KLC3: variants seen among roughly 807,000 people sequenced by gnomAD.
The protein encoded by KLC3 is kinesin light chain 3.
Under a neutral mutation model 62.9 loss-of-function variants are expected in KLC3, and 72 were observed. The observed-to-expected ratio is 1.15, with a 90% CI of 0.95 to 1.39. The LOEUF is 1.39. KLC3 is among the 40% of genes most tolerant of loss of function. KLC3 has a pLI of 0.00. For missense variants in KLC3, 848 were observed against 691.6 expected (o/e 1.23, Z -2.54); for synonymous variants, 377 against 300.5 (o/e 1.25, Z -2.63).
At position 45,351,300 on chromosome 19, in the gene KLC3, C is replaced by T. The variant is rs754989575; in HGVS notation, c.1458C>T (p.His486=). Residue 486 remains histidine, a synonymous_variant, in exon 13 of 13, where the codon CAC becomes CAT. Coordinates refer to ENST00000391946, the MANE Select transcript of KLC3 (RefSeq NM_177417.3). ...RAPGTQFPSW[H]LDKAPRTLSA... The stretch of plus-strand genomic sequence containing the variant: ...CCTGTCTCCAGTTTCCCAGCTGGCA[C>T]CTGGACAAGGCCCCTCGGACCCTCA... The T allele has an allele frequency of 1.8e-5, 29 of 1,612,692 alleles. No individual in the cohort carries two copies. Among genetic ancestry groups the T allele is most frequent in the Non-Finnish European group, 2.4e-5 (28 of 1,179,990 alleles).
chr19:45,345,456 C>T, intron 1 of KLC3, 78 bp from the exon 2 acceptor site: 1 of 1,538,374 alleles, frequency 6.5e-7, no homozygotes, highest in Admixed American at 2.0e-5. Flanking sequence ...TCCTGATGGC[C>T]ATTATGGGAA....
At chr19:45,345,876 T>G in intron 2 of KLC3, 77 bp downstream of exon 2, 1 of 1,381,758 alleles carries the variant, frequency 7.2e-7, no homozygotes. Context: ...GGGGGACAGG[T>G]ATGTAGGGGA....
At chr19:45,344,392 TTTTTC>T (rs1393737116) in intron 1 of KLC3, among the ~76,000 whole-genome samples, 2 of 149,638 alleles carry the variant, frequency 1.3e-5, no homozygotes, top group East Asian at 3.9e-4. Flanking sequence ...TTTTTTTTTT[TTTTTC>T]CAGTAGAGAC....
In KLC3 at chr19:45,349,602, G is replaced by A. The variant is rs747434708; in HGVS notation, c.1143G>A (p.Leu381=). 32 of 1,607,308 alleles carry A rather than the reference G, an allele frequency of 2.0e-5. No individual in the cohort carries two copies. The highest frequency in any genetic ancestry group is 2.7e-5 in the Non-Finnish European group (32 of 1,175,536). Residue 381 remains leucine (L), a splice_region_variant and synonymous_variant, in exon 8 of 13, where the codon CTG becomes CTA. Coordinates refer to ENST00000391946, the MANE Select transcript of KLC3 (RefSeq NM_177417.3). ...DPNVAKTKNN[L]ASAYLKQNKY... ...ACGTGGCCAAGACCAAGAACAACCT[G>A]GTGAGGCCCCTGGGGCTCAGAGTGG...
At position 45,351,310 on chromosome 19, in the gene KLC3, G is replaced by T. The variant is rs1334939451; in HGVS notation, c.1468G>T (p.Ala490Ser). 1.9e-6 allele frequency: 3 copies of T among 1,612,362 alleles called. No homozygotes were observed. Among genetic ancestry groups the T allele is most frequent in the Middle Eastern group, 1.6e-4 (1 of 6,080 alleles). Residue 490 changes from alanine (A) to serine (S), a missense_variant, in exon 13 of 13, where the codon GCC becomes TCC. Coordinates refer to ENST00000391946, the MANE Select transcript of KLC3 (RefSeq NM_177417.3). ...TQFPSWHLDK[A>S]PRTLSASTQD... is the part of the protein sequence containing the mutation. ...GTTTCCCAGCTGGCACCTGGACAAG[G>T]CCCCTCGGACCCTCAGCGCCAGCAC...
chr19:45,350,467 T>C, intron 9 of KLC3, 36 bp downstream of exon 9: 2 of 1,613,108 alleles, frequency 1.2e-6, no homozygotes, highest in Non-Finnish European at 1.7e-6. Flanking sequence ...TCCCTCCTGG[T>C]GGCTTCTCTA....
chr19:45,344,562 A>G (rs770396035), intron 1 of KLC3, among the ~76,000 whole-genome samples: 35 of 151,918 alleles, frequency 2.3e-4, no homozygotes, highest in Non-Finnish European at 4.7e-4. Context: ...TGTGTGTCAA[A>G]TTGTATTTCG....
At position 45,348,699 on chromosome 19, in the gene KLC3, T is replaced by G. The variant is rs1170143981; in HGVS notation, c.833T>G (p.Ile278Ser). The change falls in exon 6 of 13, where the codon ATC becomes AGC. Residue 278 changes from isoleucine (I) to serine (S), a missense_variant. Coordinates refer to ENST00000391946, the MANE Select transcript of KLC3 (RefSeq NM_177417.3). ...ATDLLHDALQ[I>S]REQTLGPEHP... ...GACCTTCTCCATGATGCCCTGCAGA[T>G]CCGGGAGCAGACGCTGGGCCCTGAG... is the stretch of plus-strand genomic sequence containing the variant. The G allele has an allele frequency of 6.3e-7, 1 of 1,597,018 alleles. No individual in the cohort carries two copies. Among genetic ancestry groups the G allele is most frequent in the Non-Finnish European group, 8.5e-7 (1 of 1,172,120 alleles).
At position 45,345,677 on chromosome 19, in the gene KLC3, G is replaced by T; in HGVS notation, c.136G>T (p.Gly46Trp). ...GCGGGCAGAGCACCATGGCCTGGCT[G>T]GGCACCTGGCGGAGGCCCTGGCGGG... ...ALRAEHHGLA[G>W]HLAEALAGQG... The change falls in exon 2 of 13, where the codon GGG (glycine) becomes TGG (tryptophan). Residue 46 changes from glycine to tryptophan, a missense_variant. Gly to Trp is a radical substitution (Grantham distance 184). Coordinates refer to ENST00000391946, the MANE Select transcript of KLC3 (RefSeq NM_177417.3). 6.3e-7 allele frequency: 1 copy of T among 1,578,528 alleles called. No individual in the cohort carries two copies. Among genetic ancestry groups the T allele is most frequent in the South Asian group, 1.2e-5 (1 of 86,098 alleles).
At position 45,341,578 on chromosome 19, in the gene KLC3, T is replaced by TGTGTGTGTGC; in HGVS notation, c.-9+733_-9+734insTGTGTGTGCG. 3.0e-3 allele frequency among the ~76,000 whole-genome samples: 425 copies of TGTGTGTGTGC among 139,886 alleles called. 8 individuals are homozygous for TGTGTGTGTGC. In the South Asian group the frequency reaches 0.037, roughly 12 times the overall value. 91.8% of individuals were successfully genotyped at this position (139,886 alleles called of 152,430 possible). A position where few individuals can be genotyped will look rare whatever the true frequency, so the allele number is the denominator to read the frequency against. Reference sequence around the variant, plus strand: ...TGGTGTGTGTGTGTGTGTGTGTGTGTGCGCGCGCGCGTGTGGTGGACAGTG... The same window carrying TGTGTGTGTGC: ...TGGTGTGTGTGTGTGTGTGTGTGTGTGTGTGTGTGCGCGCGCGCGCGTGTGGTGGACAGTG... On this transcript the variant is annotated intron_variant, in intron 1 of 12. Coordinates refer to ENST00000391946, the MANE Select transcript of KLC3 (RefSeq NM_177417.3).
rs904220491 is a variant in KLC3, at chr19:45,351,153, C to CAAAG, written c.1444-131_1444-128dup. ...TGTCAGAAGAGACCCAGGACAGGAG[C>CAAAG]AAAGATGGGTTTTACTTGGGGTAGA... On this transcript the variant is annotated intron_variant, in intron 12 of 12. Coordinates refer to ENST00000391946, the MANE Select transcript of KLC3 (RefSeq NM_177417.3). 5 of 1,592,474 alleles carry CAAAG rather than the reference C, an allele frequency of 3.1e-6. No individual in the cohort carries two copies. In the Admixed American group the frequency reaches 8.6e-5, roughly 27 times the overall value.
At chr19:45,351,157 G>T (rs1017838207) in intron 12 of KLC3, 129 bp from the exon 13 acceptor site, 1 of 1,592,064 alleles carries the variant, frequency 6.3e-7, no homozygotes, top group Middle Eastern at 1.7e-4. Context: ...CAGGAGCAAA[G>T]ATGGGTTTTA....
chr19:45,341,508 T>C (rs891032337), intron 1 of KLC3, among the ~76,000 whole-genome samples: 1 of 151,042 alleles, frequency 6.6e-6, no homozygotes, highest in African/African-American at 2.4e-5. Flanking sequence ...GGATTAGGTG[T>C]GATTGACCAA....
Position 45,345,652 on chromosome 19 carries a change from G to A in KLC3, c.111G>A (p.Leu37=), listed in dbSNP as rs748969168. 1 of 1,583,758 alleles carries A rather than the reference G, an allele frequency of 6.3e-7. No homozygotes were observed. Among genetic ancestry groups the A allele is most frequent in the African/African-American group, 1.3e-5 (1 of 74,620 alleles). ...AAGTGGTCCAGGGGCTGGAGGCGCT[G>A]CGGGCAGAGCACCATGGCCTGGCTG... ...TRQVVQGLEA[L]RAEHHGLAGH... is the part of the protein sequence containing the mutation. The change falls in exon 2 of 13, where the codon CTG becomes CTA. Residue 37 remains leucine (L), a synonymous_variant. Transcript: ENST00000391946.
At position 45,351,439 on chromosome 19, in the gene KLC3, T is replaced by G. The variant is rs923440890; in HGVS notation, c.*82T>G. 3 of 1,586,464 alleles carry G rather than the reference T, an allele frequency of 1.9e-6. No individual in the cohort carries two copies. The highest frequency in any genetic ancestry group is 2.7e-5 in the African/African-American group (2 of 74,560). On this transcript the variant is annotated 3_prime_UTR_variant, in exon 13 of 13. Transcript: ENST00000391946. ...TGGTGGGGTGAGAGGGGGTCTATCA[T>G]CTCCTGGCCCCCCCTTGCCTCTGGG... is the stretch of plus-strand genomic sequence containing the variant.
chr19:45,350,267 A>T (rs887707112), intron 8 of KLC3, 74 bp from the exon 9 acceptor site: 2 of 1,212,616 alleles, frequency 1.6e-6, no homozygotes, highest in Non-Finnish European at 2.3e-6. Context: ...TACAAAAAAA[A>T]AAAAAAAGGC....
At chr19:45,341,574 T>TGCGCGCGCGCGC (rs1202070798) in intron 1 of KLC3, among the ~76,000 whole-genome samples, 1 of 124,278 alleles carries the variant, frequency 8.0e-6, no homozygotes, top group Non-Finnish European at 1.9e-5. Context: ...TGTGTGTGTG[T>TGCGCGCGCGCGC]GTGTGCGCGC....
At chr19:45,342,411 A>G (rs993954487) in intron 1 of KLC3, among the ~76,000 whole-genome samples, 1 of 151,894 alleles carries the variant, frequency 6.6e-6, no homozygotes. Flanking sequence ...ATATGGTGAT[A>G]CCCCGTCTCT....
chr19:45,342,303 T>C (rs1404786203), intron 1 of KLC3, among the ~76,000 whole-genome samples: 1 of 152,054 alleles, frequency 6.6e-6, no homozygotes, highest in African/African-American at 2.4e-5. Flanking sequence ...GCACACAGAT[T>C]GGCCGGGTGC....
Sources: allele counts gnomAD v4.1 joint callset (sites outside exome capture counted in the v4.1 genomes callset), GRCh38; gene constraint gnomAD v4.1.1; transcripts MANE v1.5; gene names NCBI Gene and HGNC (gene_info 2026-07-23, HGNC 2026-07-21).